ABCD4: variants seen among roughly 807,000 people sequenced by gnomAD.
The protein encoded by ABCD4 is lysosomal cobalamin transporter ABCD4.
In ABCD4, 53 loss-of-function variants were observed where a neutral mutation model predicts 86.3. That is an observed-to-expected ratio of 0.61 (90% CI 0.49 to 0.77). ABCD4 has a LOEUF of 0.77. Among genes scored for constraint, ABCD4 ranks in the 30% least tolerant of loss-of-function variants. The pLI is 0.00. For missense variants in ABCD4, 757 were observed against 764.5 expected (o/e 0.99, Z 0.12); for synonymous variants, 328 against 313.6 (o/e 1.05, Z -0.49).
chr14:74,292,027 AG>A (rs1221361829), intron 11 of ABCD4, among the ~76,000 whole-genome samples: 1 of 152,178 alleles, frequency 6.6e-6, no homozygotes, highest in African/African-American at 2.4e-5. Context: ...CAGGAAGGGG[AG>A]GACACTGCAG....
At chr14:74,296,630 T>C in intron 4 of ABCD4, 181 bp from the exon 5 acceptor site, 1 of 590,324 alleles carries the variant, frequency 1.7e-6, no homozygotes, top group Non-Finnish European at 3.0e-6. Flanking sequence ...CCCAGGGCCT[T>C]TAAACAGGGT....
chr14:74,289,873 G>A lies in ABCD4; in HGVS notation c.1419+154C>T, dbSNP rs1409517417. Reference sequence around the variant, plus strand: ...CCCAATCCATGGATGTGAATAGAAGGTTCTTAGAGCCAGCAGTTCCCAGGC... The same window carrying A: ...CCCAATCCATGGATGTGAATAGAAGATTCTTAGAGCCAGCAGTTCCCAGGC... On this transcript the variant is annotated intron_variant, in intron 13 of 18. Coordinates refer to ENST00000356924, the MANE Select transcript of ABCD4 (RefSeq NM_005050.4). 4 of 1,477,140 alleles carry A rather than the reference G, an allele frequency of 2.7e-6. No homozygotes were observed. In the African/African-American group the frequency reaches 5.7e-5, roughly 21 times the overall value. 91.5% of individuals were successfully genotyped at this position (1,477,140 alleles called of 1,614,324 possible). A position where few individuals can be genotyped will look rare whatever the true frequency, so the allele number is the denominator to read the frequency against.
At chr14:74,301,184 A>T (rs1322904871) in intron 1 of ABCD4, among the ~76,000 whole-genome samples, 2 of 129,648 alleles carry the variant, frequency 1.5e-5, no homozygotes, top group Non-Finnish European at 3.3e-5. Flanking sequence ...TTTTGAGACA[A>T]GGTCTTGCTC....
chr14:74,299,744 TC>T, intron 2 of ABCD4, 69 bp from the exon 3 acceptor site: 1 of 1,497,298 alleles, frequency 6.7e-7, no homozygotes, highest in Non-Finnish European at 9.1e-7. Context: ...TCTTCCTGAG[TC>T]CCTGCCTCAT....
chr14:74,293,427 T>C (rs1008832153), intron 7 of ABCD4, 179 bp from the exon 8 acceptor site: 1 of 555,328 alleles, frequency 1.8e-6, no homozygotes, highest in Admixed American at 3.2e-5. Context: ...TGGTATTGTC[T>C]GTGTGAAGAA....
At chr14:74,300,320 TA>T (rs2084074646) in intron 1 of ABCD4, 52 bp from the exon 2 acceptor site, 1 of 1,202,332 alleles carries the variant, frequency 8.3e-7, no homozygotes, top group Non-Finnish European at 1.2e-6. Context: ...AATTAAGCCT[TA>T]GGGAGTAGTT....
chr14:74,287,912 G>A (rs367844778), intron 16 of ABCD4, 26 bp from the exon 17 acceptor site: 26 of 1,588,508 alleles, frequency 1.6e-5, no homozygotes, highest in Non-Finnish European at 1.7e-6. Context: ...AGAGAGGACT[G>A]CTAGAGGAGG....
At position 74,285,945 on chromosome 14, in the gene ABCD4, A is replaced by T. The variant is rs1168414165; in HGVS notation, c.*516T>A. 6.6e-6 allele frequency: 1 copy of T among 152,574 alleles called. No homozygotes were observed. Among genetic ancestry groups the T allele is most frequent in the Non-Finnish European group, 1.5e-5 (1 of 68,364 alleles). 9.5% of individuals were successfully genotyped at this position (152,574 alleles called of 1,614,324 possible). On this transcript the variant is annotated 3_prime_UTR_variant, in exon 19 of 19. Coordinates refer to ENST00000356924, the MANE Select transcript of ABCD4 (RefSeq NM_005050.4). ...CAAGCTGTCAAATACAAATCTGGAGATTCAATAAAAAAGATCATTCCATGA... is the reference window on the plus strand; with the variant it reads ...CAAGCTGTCAAATACAAATCTGGAGTTTCAATAAAAAAGATCATTCCATGA...
In ABCD4 at chr14:74,286,693, A is replaced by T. The variant is rs777695671; in HGVS notation, c.1752+8T>A. On this transcript the variant is annotated splice_region_variant and intron_variant, in intron 18 of 18. Coordinates refer to ENST00000356924, the MANE Select transcript of ABCD4 (RefSeq NM_005050.4). ...TCCTCCTCAGGCCATCCTTGTGAGCACGGGTACCTTCTCAAGGCTCTGCCG... is the reference window on the plus strand; with the variant it reads ...TCCTCCTCAGGCCATCCTTGTGAGCTCGGGTACCTTCTCAAGGCTCTGCCG... 2 of 1,614,078 alleles carry T rather than the reference A, an allele frequency of 1.2e-6. No homozygotes were observed. The highest frequency in any genetic ancestry group is 1.7e-6 in the Non-Finnish European group (2 of 1,180,032).
At chr14:74,299,410 T>C (rs1201119685) in intron 3 of ABCD4, 138 bp downstream of exon 3, 1 of 1,078,582 alleles carries the variant, frequency 9.3e-7, no homozygotes, top group Non-Finnish European at 1.3e-6. Context: ...AAGGCAACTA[T>C]CCCTTTAGTT....
chr14:74,300,208 A>G lies in ABCD4; in HGVS notation c.99T>C (p.Pro33=), dbSNP rs749632060. The change falls in exon 2 of 19, where the codon CCT becomes CCC. Residue 33 remains proline, a synonymous_variant. Transcript: ENST00000356924. ...TCAAGGCATTTTGTGATGACCAAGA[A>G]GGAAACAAAACCTTCAGTATCTGCA... ...RFLQILKVLF[P]SWSSQNALMF... The G allele has an allele frequency of 1.2e-6, 2 of 1,614,004 alleles. No individual in the cohort carries two copies. The highest frequency in any genetic ancestry group is 1.1e-5 in the South Asian group (1 of 91,076).
chr14:74,302,765 G>C (rs2085029078), intron 1 of ABCD4, 110 bp downstream of exon 1: 2 of 1,235,616 alleles, frequency 1.6e-6, no homozygotes, highest in African/African-American at 1.6e-5. Flanking sequence ...AAGTCACGGG[G>C]GCGAGACGGG....
At chr14:74,289,793 T>G in intron 13 of ABCD4, 7 of 1,436,706 alleles carry the variant, frequency 4.9e-6, no homozygotes, top group Non-Finnish European at 6.4e-6. Flanking sequence ...CGTGTGGTAT[T>G]TGGCGTGAGT....
chr14:74,287,864 C>G lies in ABCD4; in HGVS notation c.1582G>C (p.Glu528Gln). Residue 528 changes from glutamate to glutamine, a missense_variant, in exon 17 of 19, where the codon GAG becomes CAG. Glu to Gln is a conservative substitution (Grantham distance 29). Transcript: ENST00000356924. ...CGGGCAAAGGAGAGCCGTTGCATCT[C>G]CCCCGGGGACAGAACATCATACCTG... Reference protein sequence around the residue: ...WNWYDVLSPGEMQRLSFARLF... With the variant: ...WNWYDVLSPGQMQRLSFARLF... The G allele has an allele frequency of 1.2e-6, 2 of 1,612,868 alleles. No homozygotes were observed. Among genetic ancestry groups the G allele is most frequent in the South Asian group, 2.2e-5 (2 of 90,842 alleles).
rs749876491 is a variant in ABCD4 at position 74,302,855 on chromosome 14, T to C, written c.38+20A>G. 201 of 1,600,092 alleles carry C rather than the reference T, an allele frequency of 1.3e-4. 1 individual carries two copies. The highest frequency in any genetic ancestry group is 1.7e-4 in the Non-Finnish European group (197 of 1,173,574). On this transcript the variant is annotated intron_variant, in intron 1 of 18. Coordinates refer to ENST00000356924, the MANE Select transcript of ABCD4 (RefSeq NM_005050.4). ...CCGGAACTCCTGCTCCCAAACCTCC[T>C]CCCCGACCGCCCTGCTTACCTGGCG... is the stretch of plus-strand genomic sequence containing the variant.
chr14:74,293,750 G>A (rs2082149244), intron 7 of ABCD4: 1 of 152,592 alleles, frequency 6.6e-6, no homozygotes, highest in Non-Finnish European at 1.5e-5. Flanking sequence ...CTCTGTCTTT[G>A]AGGAGCTCTC....
chr14:74,294,051 T>A (rs1245195277), intron 7 of ABCD4: 1 of 134,400 alleles, frequency 7.4e-6, no homozygotes, highest in Non-Finnish European at 1.5e-5. Context: ...CAAAAGCAAC[T>A]TTTTTCTTTT....
Position 74,289,490 on chromosome 14 carries a change from G to A in ABCD4, c.1449C>T (p.Pro483=), listed in dbSNP as rs747273884. 2.4e-5 allele frequency: 39 copies of A among 1,613,694 alleles called. 1 individual carries two copies. The highest frequency in any genetic ancestry group is 1.5e-4 in the Admixed American group (9 of 59,930). Residue 483 remains proline, a synonymous_variant, in exon 14 of 19, where the codon CCC becomes CCT. Transcript: ENST00000356924. ...QVIYPLKEVY[P]DSGSADDERI... Reference sequence around the variant, plus strand: ...TAAGGAGGACCAGCTCACCTGAGTCGGGGTAGACCTCCTTCAGGGGATATA... The same window carrying A: ...TAAGGAGGACCAGCTCACCTGAGTCAGGGTAGACCTCCTTCAGGGGATATA...
Position 74,286,438 on chromosome 14 carries a change from C to T in ABCD4, c.*23G>A, listed in dbSNP as rs1052006. On this transcript the variant is annotated 3_prime_UTR_variant, in exon 19 of 19. Transcript: ENST00000356924. ...GGGCCGCCGACCCGCCACAGTGTGG[C>T]TCTCCTTCCAAAAGCCAGAGCTTCA... 12,485 of 1,613,570 alleles carry T rather than the reference C, an allele frequency of 7.7e-3. 879 individuals carry two copies. The African/African-American group carries it at 0.15, about 19-fold the overall frequency.
Sources: allele counts gnomAD v4.1 joint callset (sites outside exome capture counted in the v4.1 genomes callset), GRCh38; gene constraint gnomAD v4.1.1; transcripts MANE v1.5; gene names NCBI Gene and HGNC (gene_info 2026-07-23, HGNC 2026-07-21).